The following TG variants were observed in gnomAD, a reference collection of about 807,000 sequenced individuals.
TG encodes thyroid hormones.
In TG, 270 loss-of-function variants were observed where a neutral mutation model predicts 324.7. That is an observed-to-expected ratio of 0.83 (90% CI 0.75 to 0.92). The LOEUF (loss-of-function observed/expected upper bound fraction) is 0.92, where lower values mean the gene tolerates loss of function less well. Among genes scored for constraint, TG ranks in the 40% least tolerant of loss-of-function variants. TG has a pLI of 0.00. For synonymous variants in TG, 1,401 were observed against 1,327.0 expected, an observed-to-expected ratio of 1.06 and a Z score of -1.21; for missense variants, 3,591 against 3,456.4, an observed-to-expected ratio of 1.04 and a Z score of -0.98.
At chr8:132,972,336 G>C in intron 33 of TG, 1 of 549,802 alleles carries the variant, frequency 1.8e-6, no homozygotes. Flanking sequence ...CAAGTGAAGT[G>C]ATACCAACAG....
chr8:132,911,482 T>C lies in TG; in HGVS notation c.4108T>C (p.Ser1370Pro). Residue 1370 changes from serine to proline, a missense_variant, in exon 19 of 48, where the codon TCA becomes CCA. Transcript: ENST00000220616. The stretch of plus-strand genomic sequence containing the variant: ...TTTAGGAGTGAATGTTACATGGAAA[T>C]CACGGCTTGAGGACATCCCAGTGGC... ...ERLGVNVTWK[S>P]RLEDIPVASL... 1 of 1,614,186 alleles carries C rather than the reference T, an allele frequency of 6.2e-7. No homozygotes were observed. The highest frequency in any genetic ancestry group is 8.5e-7 in the Non-Finnish European group (1 of 1,180,014).
intron 34 of TG, among the ~76,000 whole-genome samples, chr8:132,975,043 A>G (rs1021793242): frequency 2.6e-5 from 4 of 152,206 alleles, no homozygotes; most frequent in Non-Finnish European, 5.9e-5. Context: ...AAATATCCTC[A>G]GTGGGTTTCT....
At chr8:132,917,548 G>A (rs1472103249) in intron 20 of TG, among the ~76,000 whole-genome samples, 2 of 152,058 alleles carry the variant, frequency 1.3e-5, no homozygotes, top group South Asian at 2.1e-4. Context: ...TGTGGGAAAC[G>A]TGACAAGAAG....
chr8:133,059,199 G>A (rs1031600732), intron 41 of TG: 1 of 451,256 alleles, frequency 2.2e-6, no homozygotes, highest in South Asian at 1.6e-5. Context: ...ACCCCTGCGA[G>A]GAAATGGGAC....
At chr8:132,923,884 G>A (rs567933105) in intron 22 of TG, among the ~76,000 whole-genome samples, 26 of 152,220 alleles carry the variant, frequency 1.7e-4, no homozygotes, top group African/African-American at 2.6e-4. Flanking sequence ...TCAGTAGGAC[G>A]TTGTAGAGCA....
intron 43 of TG, among the ~76,000 whole-genome samples, chr8:133,106,157 A>G (rs1027587776): frequency 5.9e-5 from 9 of 152,168 alleles, no homozygotes; most frequent in Non-Finnish European, 1.2e-4. Context: ...GAGGGGCTCC[A>G]GGGCTGTGGG....
chr8:133,066,897 T>G (rs1025592363), intron 41 of TG, among the ~76,000 whole-genome samples: 2 of 152,132 alleles, frequency 1.3e-5, no homozygotes, highest in African/African-American at 4.8e-5. Context: ...TAACTCACTG[T>G]GCAAGCTTGA....
chr8:132,886,873 T>C lies in TG; in HGVS notation c.1501T>C (p.Phe501Leu). 2 of 1,614,170 alleles carry C rather than the reference T, an allele frequency of 1.2e-6. No homozygotes were observed. Among genetic ancestry groups the C allele is most frequent in the South Asian group, 1.1e-5 (1 of 91,072 alleles). ...TRGTFNFSQF[F>L]QQLGLASFLN... Reference sequence around the variant, plus strand: ...AGGCACATTTAACTTCAGTCAATTTTTCCAGCAACTTGGTCTTGCAAGCTT... The same window carrying C: ...AGGCACATTTAACTTCAGTCAATTTCTCCAGCAACTTGGTCTTGCAAGCTT... The change falls in exon 9 of 48, where the codon TTC becomes CTC. Residue 501 changes from phenylalanine to leucine, a missense_variant. Phe to Leu is a conservative substitution (Grantham distance 22). Coordinates refer to ENST00000220616, the MANE Select transcript of TG (RefSeq NM_003235.5).
At chr8:133,034,662 T>C (rs572206972) in intron 41 of TG, among the ~76,000 whole-genome samples, 5 of 152,002 alleles carry the variant, frequency 3.3e-5, no homozygotes, top group Non-Finnish European at 7.4e-5. Context: ...TCTTTTTTCT[T>C]TCTCTCTCTC....
intron 41 of TG, chr8:133,038,815 G>T: frequency 3.4e-6 from 3 of 889,856 alleles, no homozygotes; most frequent in Non-Finnish European, 3.6e-6. Context: ...AAGGGCAAGA[G>T]AATGAGAACA....
intron 41 of TG, among the ~76,000 whole-genome samples, chr8:133,066,540 T>C (rs1843068740): frequency 6.6e-6 from 1 of 152,200 alleles, no homozygotes; most frequent in African/African-American, 2.4e-5. Context: ...AATTTCTTAT[T>C]TACTTACACA....
intron 20 of TG, among the ~76,000 whole-genome samples, chr8:132,915,931 A>G (rs1047056023): frequency 6.6e-6 from 1 of 152,240 alleles, no homozygotes; most frequent in Non-Finnish European, 1.5e-5. Flanking sequence ...AAGCAGTACC[A>G]AAAGCCCTGA....
At chr8:133,005,911 A>G (rs371585523) in intron 35 of TG, among the ~76,000 whole-genome samples, 28 of 152,162 alleles carry the variant, frequency 1.8e-4, no homozygotes, top group African/African-American at 6.7e-4. Context: ...GTAGGAGCCA[A>G]CCTGTCCGGC....
rs184663351 is a variant in TG, at chr8:132,890,840, G to C, written c.2761+2272G>C. Among the ~76,000 whole-genome samples, 623 of 152,314 alleles carry C rather than the reference G, an allele frequency of 4.1e-3. 3 individuals are homozygous for C. Among genetic ancestry groups the C allele is most frequent in the African/African-American group, 0.014 (590 of 41,576 alleles). ...TACATGCATCACCCACACGGGTGAT[G>C]GCTCAGGCCTCTAGGAGTTTGAGTC... On this transcript the variant is annotated intron_variant, in intron 10 of 47. Transcript: ENST00000220616.
At chr8:132,887,609 A>G in intron 9 of TG, 61 bp downstream of exon 9, 1 of 1,607,764 alleles carries the variant, frequency 6.2e-7, no homozygotes, top group Non-Finnish European at 8.5e-7. Flanking sequence ...CCCTGACCCA[A>G]TGCAGTACAG....
chr8:132,904,750 A>G (rs925607129), intron 16 of TG, among the ~76,000 whole-genome samples: 14 of 152,322 alleles, frequency 9.2e-5, no homozygotes, highest in Admixed American at 8.5e-4. Flanking sequence ...GGTAAAAAAA[A>G]CAAAAACAAA....
At chr8:132,873,983 A>C (rs1380157330) in intron 5 of TG, among the ~76,000 whole-genome samples, 1 of 152,262 alleles carries the variant, frequency 6.6e-6, no homozygotes, top group East Asian at 1.9e-4. Flanking sequence ...AGCCTGGCCA[A>C]TATGGCGAAA....
At position 133,113,615 on chromosome 8, in the gene TG, T is replaced by G. The variant is rs1850448028; in HGVS notation, c.7754+12T>G. The G allele has an allele frequency of 6.2e-7, 1 of 1,612,756 alleles. No homozygotes were observed. Among genetic ancestry groups the G allele is most frequent in the East Asian group, 2.2e-5 (1 of 44,824 alleles). ...GAGAATGCCACCCGGTAAGCTAAGC[T>G]GCAGGAGGGTGCAGATTCCTACTGC... On this transcript the variant is annotated intron_variant, in intron 44 of 47. Coordinates refer to ENST00000220616, the MANE Select transcript of TG (RefSeq NM_003235.5).
rs1354023868 is a variant in TG, at chr8:132,876,712, C to T, written c.638+3491C>T. The stretch of plus-strand genomic sequence containing the variant: ...GCAAGCTTCACTGGTCCTTCTGACT[C>T]ATGCCCCATCTTTTATATTGCCCTA... On this transcript the variant is annotated intron_variant, in intron 5 of 47. Coordinates refer to ENST00000220616, the MANE Select transcript of TG (RefSeq NM_003235.5). 2.0e-5 allele frequency among the ~76,000 whole-genome samples: 3 copies of T among 152,218 alleles called. No individual in the cohort carries two copies. The East Asian group carries it at 5.8e-4, about 29-fold the overall frequency.
Sources: allele counts gnomAD v4.1 joint callset (sites outside exome capture counted in the v4.1 genomes callset), GRCh38; gene constraint gnomAD v4.1.1; transcripts MANE v1.5; gene names NCBI Gene and HGNC (gene_info 2026-07-23, HGNC 2026-07-21).